Variants in HMGA1 observed in about 807,000 individuals in gnomAD.
HMGA1 encodes high mobility group AT-hook 1, also known as high mobility group protein HMG-I/HMG-Y.
HMGA1 carries 1 observed loss-of-function variant against 15.1 expected under a neutral mutation model. The ratio of observed to expected loss-of-function variants is 0.07; its 90% confidence interval spans 0.02 to 0.31. The LOEUF (loss-of-function observed/expected upper bound fraction) is 0.31. HMGA1 is among the 10% of genes least tolerant of loss of function. HMGA1 has a pLI of 1.00. For synonymous variants in HMGA1, 56 were observed against 54.8 expected (o/e 1.02, Z -0.10); for missense variants, 94 against 141.4 (o/e 0.66, Z 1.70).
chr6:34,241,018 G>T (rs771966662), intron 3 of HMGA1, 103 bp downstream of exon 3: 43 of 1,334,154 alleles, frequency 3.2e-5, no homozygotes, highest in Admixed American at 2.2e-4. Context: ...GGTGCAGAAT[G>T]ATTCTGCGCA....
rs975363881 is a variant in HMGA1 at position 34,240,881 on chromosome 6, C to T, written c.101C>T (p.Pro34Leu). 1.9e-5 allele frequency: 31 copies of T among 1,613,546 alleles called. No homozygotes were observed. The highest frequency in any genetic ancestry group is 2.5e-5 in the Non-Finnish European group (29 of 1,179,792). ...CGGGGCAGGCCGCGCAAGCAGCCTC[C>T]GGTGAGTCCCGGGACAGCGCTGGTA... ...RGRGRPRKQP[P>L]VSPGTALVGS... is the part of the protein sequence containing the mutation. Residue 34 changes from proline to leucine, a missense_variant, in exon 3 of 6, where the codon CCG becomes CTG. Transcript: ENST00000311487.
At chr6:34,241,901 G>C (rs1444773660) in intron 3 of HMGA1, among the ~76,000 whole-genome samples, 1 of 152,152 alleles carries the variant, frequency 6.6e-6, no homozygotes, top group Non-Finnish European at 1.5e-5. Flanking sequence ...TTGGAATTCA[G>C]AGCCTGGGGT....
intron 2 of HMGA1, among the ~76,000 whole-genome samples, chr6:34,239,169 G>A (rs1762086506): frequency 6.6e-6 from 1 of 152,118 alleles, no homozygotes; most frequent in Non-Finnish European, 1.5e-5. Flanking sequence ...TGTCTGGAGG[G>A]TCTCTTGATG....
intron 5 of HMGA1, among the ~76,000 whole-genome samples, chr6:34,243,875 G>A (rs1230825382): frequency 1.3e-5 from 2 of 152,136 alleles, no homozygotes; most frequent in Admixed American, 6.5e-5. Flanking sequence ...GCCATAGGGG[G>A]AAGGTTTGTC....
In HMGA1 at chr6:34,243,220, TA is replaced by T. The variant is rs371087273; in HGVS notation, c.220-247del. Reference sequence around the variant, plus strand: ...AGAAAAGTTGTTTTGTTTTTTATTTTATTTTTTCTAAGACACGACTCATATC... The same window carrying T: ...AGAAAAGTTGTTTTGTTTTTTATTTTTTTTTTCTAAGACACGACTCATATC... On this transcript the variant is annotated intron_variant, in intron 4 of 5. Transcript: ENST00000311487. Among the ~76,000 whole-genome samples, 228 of 152,194 alleles carry T rather than the reference TA, an allele frequency of 1.5e-3. 1 individual carries two copies. The highest frequency in any genetic ancestry group is 5.1e-3 in the African/African-American group (212 of 41,486).
chr6:34,237,369 C>T (rs1489892632), intron 2 of HMGA1, 52 bp downstream of exon 2: 1 of 145,532 alleles, frequency 6.9e-6, no homozygotes, highest in Admixed American at 6.8e-5. Flanking sequence ...GGCGCCCGCG[C>T]CCCCGCCCGC....
chr6:34,238,786 T>G, intron 2 of HMGA1: 1 of 149,226 alleles, frequency 6.7e-6, no homozygotes, highest in African/African-American at 2.5e-5. Context: ...CTGAGGGGAT[T>G]AAAGGGTCCC....
At chr6:34,240,148 C>T (rs1041614889) in intron 2 of HMGA1, among the ~76,000 whole-genome samples, 16 of 152,212 alleles carry the variant, frequency 1.1e-4, no homozygotes, top group Non-Finnish European at 4.4e-5. Context: ...GAGAAGAGAG[C>T]TGGTGGTGGG....
intron 2 of HMGA1, among the ~76,000 whole-genome samples, chr6:34,240,486 G>A (rs369857232): frequency 8.0e-4 from 122 of 152,220 alleles, no homozygotes; most frequent in African/African-American, 2.6e-3. Flanking sequence ...GCACTGGGGC[G>A]GTGTTAAGGC....
At chr6:34,236,999 T>TA (rs1012255515) in intron 1 of HMGA1, 36 bp downstream of exon 1, 6 of 152,178 alleles carry the variant, frequency 3.9e-5, no homozygotes, top group African/African-American at 1.4e-4. Flanking sequence ...TTCTTTTTTT[T>TA]ATATCTATAA....
chr6:34,239,609 A>G (rs1252884800), intron 2 of HMGA1, among the ~76,000 whole-genome samples: 2 of 152,114 alleles, frequency 1.3e-5, no homozygotes, highest in Admixed American at 1.3e-4. Context: ...ACCCCTTACC[A>G]TGGCAGGCAG....
intron 2 of HMGA1, among the ~76,000 whole-genome samples, chr6:34,238,079 G>A (rs1313070211): frequency 2.0e-5 from 3 of 152,180 alleles, no homozygotes. Context: ...GCGGGGAGGG[G>A]ACGGAGGGAG....
At position 34,245,060 on chromosome 6, in the gene HMGA1, G is replaced by T; in HGVS notation, c.*176G>T. ...CACCACACTACACAGCACACCAGCCGCTGCAGGGCTCCCATGGGCTGAGTG... is the reference window on the plus strand; with the variant it reads ...CACCACACTACACAGCACACCAGCCTCTGCAGGGCTCCCATGGGCTGAGTG... On this transcript the variant is annotated 3_prime_UTR_variant, in exon 6 of 6. Transcript: ENST00000311487. 3.3e-6 allele frequency: 5 copies of T among 1,517,526 alleles called. No individual in the cohort carries two copies. The highest frequency in any genetic ancestry group is 4.4e-6 in the Non-Finnish European group (5 of 1,131,582). The allele number at this position is 1,517,526 out of a possible 1,614,324, so 94.0% of individuals were successfully genotyped here.
rs1762697396 is a variant in HMGA1 at position 34,245,752 on chromosome 6, A to G, written c.*868A>G. 3.8e-6 allele frequency: 2 copies of G among 522,100 alleles called. No individual in the cohort carries two copies. The highest frequency in any genetic ancestry group is 2.1e-5 in the South Asian group (1 of 48,142). 32.3% of individuals were successfully genotyped at this position (522,100 alleles called of 1,614,324 possible). A position where few individuals can be genotyped will look rare whatever the true frequency, so the allele number is the denominator to read the frequency against. On this transcript the variant is annotated 3_prime_UTR_variant, in exon 6 of 6. Transcript: ENST00000311487. ...TTCCCCCTCCTCAGATGGGGCACCA[A>G]TAACAAGGAGCTCACCCTGCCCGCT...
At chr6:34,243,328 C>G (rs1581807414) in intron 4 of HMGA1, 140 bp from the exon 5 acceptor site, 8 of 722,226 alleles carry the variant, frequency 1.1e-5, no homozygotes, top group Non-Finnish European at 1.7e-5. Flanking sequence ...TCATTGCCAG[C>G]TGGACTTGGG....
At position 34,245,586 on chromosome 6, in the gene HMGA1, C is replaced by T. The variant is rs549451959; in HGVS notation, c.*702C>T. Reference sequence around the variant, plus strand: ...CTGTGGCCACAGCCCCCTTGCCCTCCGCCTGGGATCTGAGTACATATTGTG... The same window carrying T: ...CTGTGGCCACAGCCCCCTTGCCCTCTGCCTGGGATCTGAGTACATATTGTG... On this transcript the variant is annotated 3_prime_UTR_variant, in exon 6 of 6. Coordinates refer to ENST00000311487, the MANE Select transcript of HMGA1 (RefSeq NM_145899.3). The T allele has an allele frequency of 7.0e-5, 97 of 1,380,964 alleles. No individual in the cohort carries two copies. The highest frequency in any genetic ancestry group is 2.7e-4 in the South Asian group (22 of 81,380). 85.5% of individuals were successfully genotyped at this position (1,380,964 alleles called of 1,614,324 possible). A position where few individuals can be genotyped will look rare whatever the true frequency, so the allele number is the denominator to read the frequency against.
In HMGA1 at chr6:34,242,768, C is replaced by T. The variant is rs138799563; in HGVS notation, c.192C>T (p.Ser64=). 1.9e-6 allele frequency: 3 copies of T among 1,593,156 alleles called. No homozygotes were observed. In the African/African-American group the frequency reaches 4.0e-5, roughly 21 times the overall value. ...GACCTCGGGGCCGACCAAAGGGAAG[C>T]AAAAACAAGGGTGCTGCCAAGACCC... ...PKRPRGRPKG[S]KNKGAAKTRK... is the part of the protein sequence containing the mutation. The change falls in exon 4 of 6, where the codon AGC becomes AGT. Residue 64 remains serine, a synonymous_variant. Transcript: ENST00000311487.
intron 4 of HMGA1, 57 bp from the exon 5 acceptor site, chr6:34,243,411 T>A: frequency 7.3e-7 from 1 of 1,361,198 alleles, no homozygotes; most frequent in Non-Finnish European, 1.0e-6. Flanking sequence ...CTATTGGGCA[T>A]CGGGTGAGCA....
At chr6:34,243,589 C>A in intron 5 of HMGA1, 71 bp downstream of exon 5, 1 of 1,213,364 alleles carries the variant, frequency 8.2e-7, no homozygotes, top group Non-Finnish European at 1.2e-6. Flanking sequence ...TACACAGTAC[C>A]TGATGCTATG....
Sources: allele counts gnomAD v4.1 joint callset (sites outside exome capture counted in the v4.1 genomes callset), GRCh38; gene constraint gnomAD v4.1.1; transcripts MANE v1.5; gene names NCBI Gene and HGNC (gene_info 2026-07-23, HGNC 2026-07-21).